RBFOX1: variants seen among roughly 807,000 people sequenced by gnomAD.
RBFOX1 encodes the protein RNA binding protein fox-1 homolog 1.
In RBFOX1, 8 loss-of-function variants were observed where a neutral mutation model predicts 57.7. The observed-to-expected ratio is 0.14, with a 90% CI of 0.08 to 0.25. The LOEUF (loss-of-function observed/expected upper bound fraction) is 0.25. Ranked by LOEUF, RBFOX1 falls within the 10% of genes least tolerant of loss-of-function variation. The pLI is 1.00. For missense variants in RBFOX1, 611 were observed against 548.5 expected (o/e 1.11, Z -1.14); for synonymous variants, 326 against 222.4 (o/e 1.47, Z -4.15).
intron 13 of RBFOX1, among the ~76,000 whole-genome samples, chr16:7,665,786 G>T (rs1374415476): frequency 1.3e-5 from 2 of 151,862 alleles, no homozygotes; most frequent in Non-Finnish European, 2.9e-5. Context: ...TCAGTCAATG[G>T]GATTATATTT....
At chr16:6,618,418 C>G (rs1055365431) in intron 2 of RBFOX1, among the ~76,000 whole-genome samples, 1 of 152,138 alleles carries the variant, frequency 6.6e-6, no homozygotes, top group African/African-American at 2.4e-5. Flanking sequence ...GAAGAAGACA[C>G]TGAAACACAG....
At chr16:6,730,966 G>C (rs1212237953) in intron 3 of RBFOX1, among the ~76,000 whole-genome samples, 1 of 152,184 alleles carries the variant, frequency 6.6e-6, no homozygotes, top group Non-Finnish European at 1.5e-5. Context: ...AGAAACAGCA[G>C]TGAGGAAACA....
At chr16:7,105,226 G>C (rs964538240) in intron 4 of RBFOX1, among the ~76,000 whole-genome samples, 1 of 151,518 alleles carries the variant, frequency 6.6e-6, no homozygotes, top group Non-Finnish European at 1.5e-5. Context: ...GGCCAGGTCT[G>C]GGTCACATGG....
intron 3 of RBFOX1, among the ~76,000 whole-genome samples, chr16:5,606,358 A>G (rs891333702): frequency 2.0e-5 from 3 of 151,848 alleles, no homozygotes; most frequent in Non-Finnish European, 1.5e-5. Flanking sequence ...CTAACCATTC[A>G]TCCATAGTCA....
intron 1 of RBFOX1, among the ~76,000 whole-genome samples, chr16:5,459,424 A>G (rs920581735): frequency 1.2e-4 from 18 of 151,990 alleles, no homozygotes; most frequent in African/African-American, 3.9e-4. Context: ...TTGCTAAACC[A>G]CCTGGAAAGG....
At chr16:6,676,315 C>G (rs1220086536) in intron 3 of RBFOX1, among the ~76,000 whole-genome samples, 3 of 152,090 alleles carry the variant, frequency 2.0e-5, no homozygotes, top group African/African-American at 4.8e-5. Flanking sequence ...GAATAGAGTA[C>G]TATCCTGCCT....
intron 4 of RBFOX1, among the ~76,000 whole-genome samples, chr16:7,259,313 C>G (rs571931086): frequency 3.9e-5 from 6 of 152,170 alleles, no homozygotes; most frequent in African/African-American, 1.2e-4. Context: ...ACACCTTCCC[C>G]TCTCAGGCAC....
chr16:6,842,402 A>G (rs975634060), intron 3 of RBFOX1, among the ~76,000 whole-genome samples: 17 of 152,070 alleles, frequency 1.1e-4, no homozygotes, highest in Admixed American at 5.2e-4. Context: ...TAATCCAACT[A>G]CTTGGAGATT....
rs116066386 is a variant in RBFOX1 at position 5,304,588 on chromosome 16, A to G, written c.219+64483A>G. ...TCATTCATTCATTGAATAAATATCT[A>G]TTAAGCTCCTTTTATTGCCAGATAC... On this transcript the variant is annotated intron_variant, in intron 1 of 2. Transcript: ENST00000585867. 4.8e-3 allele frequency among the ~76,000 whole-genome samples: 736 copies of G among 152,306 alleles called. 8 individuals are homozygous for G. The highest frequency in any genetic ancestry group is 0.017 in the African/African-American group (690 of 41,564).
intron 4 of RBFOX1, among the ~76,000 whole-genome samples, chr16:5,908,986 C>A (rs2058545967): frequency 6.6e-6 from 1 of 151,690 alleles, no homozygotes; most frequent in Admixed American, 6.6e-5. Flanking sequence ...GAGACTTGAT[C>A]TTGGGCTTCC....
chr16:5,598,902 G>T (rs1435075625), exon 3 of RBFOX1: 1 of 1,514,844 alleles, frequency 6.6e-7, no homozygotes. Context: ...TTTTTGCCAG[G>T]ACTACAAGTC....
intron 3 of RBFOX1, among the ~76,000 whole-genome samples, chr16:5,828,407 A>T (rs1684447542): frequency 6.6e-6 from 1 of 152,166 alleles, no homozygotes; most frequent in African/African-American, 2.4e-5. Context: ...CTAGAAATAA[A>T]GGATGAAAAA....
At chr16:6,870,232 C>T (rs1278283813) in intron 3 of RBFOX1, among the ~76,000 whole-genome samples, 2 of 152,112 alleles carry the variant, frequency 1.3e-5, no homozygotes, top group South Asian at 2.1e-4. Context: ...AGAGAGTTAG[C>T]AGCCTGGGGT....
intron 1 of RBFOX1, among the ~76,000 whole-genome samples, chr16:5,426,054 A>G (rs2067549609): frequency 6.6e-6 from 1 of 152,242 alleles, no homozygotes; most frequent in South Asian, 2.1e-4. Context: ...AACACAAAAC[A>G]GAAACAAATG....
At chr16:5,745,574 T>A (rs919738853) in intron 3 of RBFOX1, among the ~76,000 whole-genome samples, 6 of 152,188 alleles carry the variant, frequency 3.9e-5, no homozygotes, top group Non-Finnish European at 8.8e-5. Flanking sequence ...GTAAAAGTGT[T>A]CCTATTTCTC....
chr16:7,204,850 C>T (rs947769918), intron 4 of RBFOX1, among the ~76,000 whole-genome samples: 7 of 152,172 alleles, frequency 4.6e-5, no homozygotes, highest in Non-Finnish European at 7.4e-5. Flanking sequence ...TTCTGGCATT[C>T]GCCATTCTAC....
intron 3 of RBFOX1, among the ~76,000 whole-genome samples, chr16:7,035,147 C>G (rs918970445): frequency 2.0e-5 from 3 of 151,974 alleles, no homozygotes; most frequent in African/African-American, 7.3e-5. Flanking sequence ...TGCACCGGGC[C>G]TCTGAGACAG....
intron 3 of RBFOX1, among the ~76,000 whole-genome samples, chr16:6,893,649 A>G (rs906308733): frequency 6.6e-6 from 1 of 152,200 alleles, no homozygotes; most frequent in African/African-American, 2.4e-5. Context: ...CCTCCAATAG[A>G]GCATTGGCCA....
At chr16:7,378,289 G>A (rs2097722070) in intron 4 of RBFOX1, among the ~76,000 whole-genome samples, 1 of 152,136 alleles carries the variant, frequency 6.6e-6, no homozygotes, top group Non-Finnish European at 1.5e-5. Flanking sequence ...GGGAGGCAAG[G>A]GAAACGTAGT....
Sources: allele counts gnomAD v4.1 joint callset (sites outside exome capture counted in the v4.1 genomes callset), GRCh38; gene constraint gnomAD v4.1.1; transcripts MANE v1.5; gene names NCBI Gene and HGNC (gene_info 2026-07-23, HGNC 2026-07-21).